PPP1R13B: variants seen among roughly 807,000 people sequenced by gnomAD.
The protein encoded by PPP1R13B is apoptosis-stimulating of p53 protein 1.
In PPP1R13B, 44 loss-of-function variants were observed where a neutral mutation model predicts 119.8. The ratio of observed to expected loss-of-function variants is 0.37; its 90% CI spans 0.29 to 0.47. PPP1R13B has a LOEUF of 0.47. Ranked by LOEUF, PPP1R13B falls within the 20% of genes least tolerant of loss-of-function variation. PPP1R13B has a pLI of 0.99. For missense variants in PPP1R13B, 1,227 were observed against 1,413.5 expected (o/e 0.87, Z 2.12); for synonymous variants, 542 against 561.5 (o/e 0.97, Z 0.49).
intron 4 of PPP1R13B, among the ~76,000 whole-genome samples, chr14:103,768,437 C>A (rs1217977791): frequency 1.3e-5 from 2 of 152,170 alleles, no homozygotes; most frequent in African/African-American, 4.8e-5. Flanking sequence ...GCTGGAACTA[C>A]AGGCGTGCGC....
At chr14:103,790,175 G>A (rs904639658) in intron 2 of PPP1R13B, among the ~76,000 whole-genome samples, 1 of 151,324 alleles carries the variant, frequency 6.6e-6, no homozygotes, top group East Asian at 1.9e-4. Flanking sequence ...GAATCAGGAA[G>A]GCAGAGGTTG....
In PPP1R13B at chr14:103,738,694, G is replaced by A; in HGVS notation, c.2849C>T (p.Ala950Val). Residue 950 changes from alanine (A) to valine (V), a missense_variant, in exon 14 of 17, where the codon GCT becomes GTT. Coordinates refer to ENST00000202556, the MANE Select transcript of PPP1R13B (RefSeq NM_015316.3). This position sits in a 1 kb window ranked among gnomAD's most constrained non-coding sequence, Gnocchi z 5.6. Reference sequence around the variant, plus strand: ...CGGGCCTCACCATCCATCACTATCAGCAGCATTCACGTTGACACCAAAATC... The same window carrying A: ...CGGGCCTCACCATCCATCACTATCAACAGCATTCACGTTGACACCAAAATC... ...LLDFGVNVNAADSDGWTPLHC... is the reference protein window; with the variant it reads ...LLDFGVNVNAVDSDGWTPLHC... 1.2e-6 allele frequency: 2 copies of A among 1,614,222 alleles called. No homozygotes were observed. Among genetic ancestry groups the A allele is most frequent in the Non-Finnish European group, 1.7e-6 (2 of 1,180,048 alleles).
In PPP1R13B at chr14:103,832,596, T is replaced by C. The variant is rs2152078211; in HGVS notation, c.9+14703A>G. On this transcript the variant is annotated intron_variant, in intron 1 of 16. Transcript: ENST00000202556. Reference sequence around the variant, plus strand: ...CTCTGCCTTGACTATTGTAAGGGACTACTCTCTTCAACTCCAGACACTTAA... The same window carrying C: ...CTCTGCCTTGACTATTGTAAGGGACCACTCTCTTCAACTCCAGACACTTAA... Among the ~76,000 whole-genome samples the C allele has an allele frequency of 1.3e-5, 2 of 152,334 alleles. 1 individual carries two copies. The highest frequency in any genetic ancestry group is 4.1e-4 in the South Asian group (2 of 4,830).
intron 2 of PPP1R13B, among the ~76,000 whole-genome samples, chr14:103,788,178 A>G (rs1246812727): frequency 1.3e-5 from 2 of 152,176 alleles, no homozygotes; most frequent in Admixed American, 1.3e-4. Context: ...AGATTGGTTA[A>G]CAGATTTCAG....
upstream of PPP1R13B, chr14:103,848,550 C>G (rs910249012): frequency 6.3e-6 from 6 of 952,118 alleles, no homozygotes; most frequent in African/African-American, 1.1e-4. Flanking sequence ...CGCGGCAGCA[C>G]CGAACTCCCA....
intron 1 of PPP1R13B, among the ~76,000 whole-genome samples, chr14:103,820,872 T>C (rs2152068914): frequency 6.6e-6 from 1 of 152,196 alleles, no homozygotes; most frequent in South Asian, 2.1e-4. Flanking sequence ...CCTCAATTTT[T>C]TTCTATAGTC....
At chr14:103,820,652 A>ATTTT (rs35928276) in intron 1 of PPP1R13B, among the ~76,000 whole-genome samples, 543 of 102,656 alleles carry the variant, frequency 5.3e-3, no homozygotes, top group Middle Eastern at 0.011. Flanking sequence ...CATGCCCAGG[A>ATTTT]TTTTTTTTTT....
At chr14:103,797,301 C>A in intron 2 of PPP1R13B, 70 bp downstream of exon 2, 1 of 1,443,700 alleles carries the variant, frequency 6.9e-7, no homozygotes. Flanking sequence ...GCAAATCCAG[C>A]ACAAGCTTAG....
intron 1 of PPP1R13B, among the ~76,000 whole-genome samples, chr14:103,811,201 G>C (rs890480264): frequency 1.3e-5 from 2 of 151,018 alleles, no homozygotes; most frequent in Non-Finnish European, 2.9e-5. Context: ...AACAAACACT[G>C]AATTTTAAAC....
intron 1 of PPP1R13B, among the ~76,000 whole-genome samples, chr14:103,835,113 T>C (rs941287046): frequency 6.6e-6 from 1 of 152,120 alleles, no homozygotes; most frequent in Non-Finnish European, 1.5e-5. Context: ...CATTTGCTCT[T>C]TTTTTTCTTT....
intron 8 of PPP1R13B, chr14:103,747,189 C>T (rs1344148692): frequency 1.3e-5 from 2 of 152,262 alleles, no homozygotes; most frequent in Non-Finnish European, 2.9e-5. Context: ...TAGAGAACTA[C>T]TGACGTCCTC....
chr14:103,760,175 T>C (rs905732845), intron 4 of PPP1R13B, among the ~76,000 whole-genome samples: 2 of 151,412 alleles, frequency 1.3e-5, no homozygotes, highest in African/African-American at 2.4e-5. Flanking sequence ...AATGTGAAAA[T>C]TTGGGAAAAA....
intron 1 of PPP1R13B, among the ~76,000 whole-genome samples, chr14:103,822,192 T>A (rs1002814226): frequency 2.0e-5 from 3 of 152,030 alleles, no homozygotes; most frequent in Non-Finnish European, 4.4e-5. Context: ...TGGGGTGCAG[T>A]GGCACAGTCT....
rs1348801779 is a variant in PPP1R13B at position 103,734,440 on chromosome 14, G to A, written c.*714C>T. 6.8e-6 allele frequency: 3 copies of A among 443,032 alleles called. No individual in the cohort carries two copies. The highest frequency in any genetic ancestry group is 2.0e-5 in the African/African-American group (1 of 49,896). 27.4% of individuals were successfully genotyped at this position (443,032 alleles called of 1,614,324 possible). On this transcript the variant is annotated 3_prime_UTR_variant, in exon 17 of 17. Coordinates refer to ENST00000202556, the MANE Select transcript of PPP1R13B (RefSeq NM_015316.3). ...CACTGAGCAGCATGACAGGCTGTGA[G>A]ATCGGAGGAGAAGAGTATATGCTGA...
At chr14:103,777,847 T>G (rs2085243707) in intron 4 of PPP1R13B, among the ~76,000 whole-genome samples, 2 of 149,324 alleles carry the variant, frequency 1.3e-5, no homozygotes, top group South Asian at 4.2e-4. Flanking sequence ...AAGGCTGAAG[T>G]GCAGTGGTAT....
intron 3 of PPP1R13B, among the ~76,000 whole-genome samples, chr14:103,783,183 C>T (rs1187996212): frequency 6.6e-6 from 1 of 151,678 alleles, no homozygotes; most frequent in African/African-American, 2.4e-5. Context: ...GCTACAAATG[C>T]TACTTCCCAG....
chr14:103,780,485 C>CA (rs34274916), intron 3 of PPP1R13B, among the ~76,000 whole-genome samples: 413 of 36,214 alleles, frequency 0.011, 26 homozygotes, highest in South Asian at 0.016. Context: ...AACCCTGTCT[C>CA]AAAAAAAAAA....
intron 1 of PPP1R13B, among the ~76,000 whole-genome samples, chr14:103,812,951 T>A (rs538760241): frequency 6.6e-6 from 1 of 152,236 alleles, no homozygotes; most frequent in African/African-American, 2.4e-5. Context: ...GAACTTGCAG[T>A]TGGGAATACA....
intron 4 of PPP1R13B, among the ~76,000 whole-genome samples, chr14:103,767,838 T>C (rs140257333): frequency 6.6e-5 from 10 of 152,320 alleles, no homozygotes; most frequent in South Asian, 2.1e-4. Context: ...TTGGGAAGTA[T>C]TGCCCAACAT....
Sources: gnomAD v4.1 joint callset for allele counts (sites outside exome capture counted in the v4.1 genomes callset) on GRCh38, gnomAD v4.1.1 for gene constraint, Gnocchi (gnomAD v3.1) non-coding constraint, MANE v1.5 for transcripts, NCBI Gene and HGNC (gene_info 2026-07-23, HGNC 2026-07-21) for gene names.